Variants in PDCD2L observed in about 807,000 individuals in gnomAD.
The protein encoded by PDCD2L is programmed cell death 2 like.
Under a neutral mutation model 40.4 loss-of-function variants are expected in PDCD2L, and 44 were observed. That is an observed-to-expected ratio of 1.09 (90% confidence interval 0.86 to 1.40). The LOEUF (loss-of-function observed/expected upper bound fraction) is 1.40, where lower values mean the gene tolerates loss of function less well. Among genes scored for constraint, PDCD2L ranks in the 40% most tolerant of loss-of-function variants. The probability of loss-of-function intolerance (pLI) is 0.00; values close to 1 mark genes in which losing one functional copy is unlikely to be tolerated. For missense variants in PDCD2L, 470 were observed against 453.7 expected, an observed-to-expected ratio of 1.04 and a Z score of -0.33; for synonymous variants, 194 against 174.6, an observed-to-expected ratio of 1.11 and a Z score of -0.88.
chr19:34,408,468 T>C (rs562585929), intron 3 of PDCD2L, among the ~76,000 whole-genome samples: 2 of 152,244 alleles, frequency 1.3e-5, no homozygotes, highest in African/African-American at 2.4e-5. Flanking sequence ...GTAGCTGGAT[T>C]ACGGGCACGT....
chr19:34,413,327 ATTTTTTTTTT>A (rs34915589), intron 4 of PDCD2L, among the ~76,000 whole-genome samples: 1 of 98,826 alleles, frequency 1.0e-5, no homozygotes, highest in Non-Finnish European at 1.9e-5. Flanking sequence ...GGCGTGATTG[ATTTTTTTTTT>A]TTTTTTTTTT....
chr19:34,417,030 C>G (rs779194409), intron 5 of PDCD2L, among the ~76,000 whole-genome samples: 1 of 152,066 alleles, frequency 6.6e-6, no homozygotes, highest in Non-Finnish European at 1.5e-5. Flanking sequence ...AGGAGAATCG[C>G]TTGAACCTGG....
chr19:34,412,184 T>C (rs1038161556), intron 4 of PDCD2L, among the ~76,000 whole-genome samples: 1 of 151,498 alleles, frequency 6.6e-6, no homozygotes, highest in African/African-American at 2.4e-5. Flanking sequence ...CATGCCCAGC[T>C]AATTTTTGTA....
chr19:34,415,492 CAGAA>C (rs1262045362), intron 5 of PDCD2L, among the ~76,000 whole-genome samples: 1 of 152,024 alleles, frequency 6.6e-6, no homozygotes, highest in Non-Finnish European at 1.5e-5. Context: ...GGTAGGCTAT[CAGAA>C]AGGCCTCAGA....
chr19:34,416,705 C>T (rs2075127724), intron 5 of PDCD2L, among the ~76,000 whole-genome samples: 1 of 152,158 alleles, frequency 6.6e-6, no homozygotes, highest in African/African-American at 2.4e-5. Context: ...ACTGAGTTGC[C>T]CCCTTTAGGT....
rs2075114609 is a variant in PDCD2L at position 34,413,734 on chromosome 19, T to C, written c.687-3T>C. The stretch of plus-strand genomic sequence containing the variant: ...CAAAAGTGTTTTCTGCTTCTGTTTT[T>C]AGCCTTCCTAATGATGGTGATGAAA... On this transcript the variant is annotated splice_polypyrimidine_tract_variant and splice_region_variant and intron_variant, in intron 4 of 6. Coordinates refer to ENST00000246535, the MANE Select transcript of PDCD2L (RefSeq NM_032346.2). 1.3e-6 allele frequency: 2 copies of C among 1,511,050 alleles called. No individual in the cohort carries two copies. The highest frequency in any genetic ancestry group is 1.8e-6 in the Non-Finnish European group (2 of 1,094,458). The allele number at this position is 1,511,050 out of a possible 1,614,324, so 93.6% of individuals were successfully genotyped here.
At chr19:34,416,746 A>C (rs1385490040) in intron 5 of PDCD2L, among the ~76,000 whole-genome samples, 1 of 152,198 alleles carries the variant, frequency 6.6e-6, no homozygotes, top group Non-Finnish European at 1.5e-5. Flanking sequence ...CATGCCACCC[A>C]GGTAATCATA....
At position 34,409,388 on chromosome 19, in the gene PDCD2L, C is replaced by T. The variant is rs369599001; in HGVS notation, c.564C>T (p.Tyr188=). The change falls in exon 4 of 7, where the codon TAC becomes TAT. Residue 188 remains tyrosine, a synonymous_variant. Coordinates refer to ENST00000246535, the MANE Select transcript of PDCD2L (RefSeq NM_032346.2). ...VPPGLPLFLP[Y]YICVADEDDY... ...CTGGGCTGCCGCTCTTCCTGCCCTA[C>T]TACATCTGTGTTGCAGATGAGGATG... The T allele has an allele frequency of 5.6e-6, 9 of 1,614,188 alleles. No individual in the cohort carries two copies. Among genetic ancestry groups the T allele is most frequent in the Non-Finnish European group, 7.6e-6 (9 of 1,180,032 alleles).
intron 6 of PDCD2L, among the ~76,000 whole-genome samples, chr19:34,423,527 C>T (rs1294947107): frequency 8.0e-6 from 1 of 124,644 alleles, no homozygotes; most frequent in African/African-American, 3.0e-5. Flanking sequence ...TGGAGCCTCA[C>T]TCTGTCGCCC....
At chr19:34,416,194 G>A (rs1447809983) in intron 5 of PDCD2L, among the ~76,000 whole-genome samples, 1 of 152,128 alleles carries the variant, frequency 6.6e-6, no homozygotes, top group Non-Finnish European at 1.5e-5. Flanking sequence ...GTGCTGGGAT[G>A]GCAGGTGTGA....
chr19:34,412,717 C>CA (rs35174221), intron 4 of PDCD2L, among the ~76,000 whole-genome samples: 16,382 of 106,134 alleles, frequency 0.15, 1,201 homozygotes, highest in African/African-American at 0.24. Context: ...GACTCCCTCT[C>CA]AAAAAAAAAA....
chr19:34,421,528 G>T lies in PDCD2L; in HGVS notation c.807G>T (p.Trp269Cys). The T allele has an allele frequency of 6.2e-7, 1 of 1,614,030 alleles. No homozygotes were observed. Among genetic ancestry groups the T allele is most frequent in the South Asian group, 1.1e-5 (1 of 91,066 alleles). ...ACQEQILRYS[W>C]SGEPLFLTCP... ...TGTTTCCTTGTCCTAGGTATTCCTG[G>T]AGTGGAGAGCCACTCTTTTTGACCT... The change falls in exon 6 of 7, where the codon TGG (tryptophan) becomes TGT (cysteine). Residue 269 changes from tryptophan to cysteine, a missense_variant. Physicochemically the swap from Trp to Cys is radical, Grantham distance 215. Transcript: ENST00000246535.
chr19:34,413,283 G>C (rs1173074610), intron 4 of PDCD2L, among the ~76,000 whole-genome samples: 1 of 149,468 alleles, frequency 6.7e-6, no homozygotes, highest in Non-Finnish European at 1.5e-5. Context: ...CAGGTGATCT[G>C]CTCACCTCGG....
chr19:34,406,006 T>C (rs922959711), intron 3 of PDCD2L, among the ~76,000 whole-genome samples: 2 of 152,084 alleles, frequency 1.3e-5, no homozygotes, highest in African/African-American at 4.8e-5. Flanking sequence ...CCAGGCATGA[T>C]GGCCACGCAA....
chr19:34,419,773 C>CCTTTTTT (rs1431467148), intron 5 of PDCD2L, among the ~76,000 whole-genome samples: 1 of 36,630 alleles, frequency 2.7e-5, no homozygotes, highest in Non-Finnish European at 4.7e-5. Flanking sequence ...CTTTATGTTG[C>CCTTTTTT]TTTTTTTTTT....
chr19:34,412,316 C>T (rs1023474613), intron 4 of PDCD2L, among the ~76,000 whole-genome samples: 3 of 151,956 alleles, frequency 2.0e-5, no homozygotes, highest in East Asian at 3.8e-4. Flanking sequence ...CTGTGCCCTG[C>T]GACTTTTTAA....
intron 3 of PDCD2L, among the ~76,000 whole-genome samples, chr19:34,408,403 T>C (rs1482117445): frequency 6.6e-6 from 1 of 151,836 alleles, no homozygotes; most frequent in Non-Finnish European, 1.5e-5. Flanking sequence ...TGATCTTGGC[T>C]CACTGCAACC....
intron 5 of PDCD2L, among the ~76,000 whole-genome samples, chr19:34,416,574 C>A (rs2075127389): frequency 6.6e-6 from 1 of 152,124 alleles, no homozygotes; most frequent in Non-Finnish European, 1.5e-5. Context: ...TCTTTTACCA[C>A]CTACAGAAAT....
At chr19:34,424,956 G>A (rs2075169675) in intron 6 of PDCD2L, among the ~76,000 whole-genome samples, 1 of 151,990 alleles carries the variant, frequency 6.6e-6, no homozygotes, top group South Asian at 2.1e-4. Flanking sequence ...ATGTTGGCCA[G>A]GCTGGTCTTG....
Sources: allele counts gnomAD v4.1 joint callset (sites outside exome capture counted in the v4.1 genomes callset), GRCh38; gene constraint gnomAD v4.1.1; transcripts MANE v1.5; gene names NCBI Gene and HGNC (gene_info 2026-07-23, HGNC 2026-07-21).